The following SCAMP4 variants were observed in gnomAD, a reference collection of about 807,000 sequenced individuals.
SCAMP4 encodes the protein secretory carrier-associated membrane protein 4.
Under a neutral mutation model 32.1 loss-of-function variants are expected in SCAMP4, and 19 were observed. The ratio of observed to expected loss-of-function variants is 0.59; its 90% CI spans 0.41 to 0.87. The LOEUF (loss-of-function observed/expected upper bound fraction) is 0.87, where lower values mean the gene tolerates loss of function less well. Ranked by LOEUF, SCAMP4 falls within the 40% of genes least tolerant of loss-of-function variation. The pLI is 0.00. For synonymous variants in SCAMP4, 152 were observed against 132.7 expected (o/e 1.15, Z -1.00); for missense variants, 302 against 309.0 (o/e 0.98, Z 0.17).
intron 1 of SCAMP4, among the ~76,000 whole-genome samples, chr19:1,914,369 C>T (rs1230468053): frequency 6.6e-6 from 1 of 152,056 alleles, no homozygotes; most frequent in Non-Finnish European, 1.5e-5. Context: ...CCGTGCCCGC[C>T]CCCTCGGGCC....
chr19:1,923,586 T>A (rs2145462846), intron 6 of SCAMP4, among the ~76,000 whole-genome samples: 1 of 145,276 alleles, frequency 6.9e-6, no homozygotes, highest in African/African-American at 2.5e-5. Flanking sequence ...GCTGGGCTCA[T>A]AACAGAAACT....
In SCAMP4 at chr19:1,918,882, T is replaced by TC; in HGVS notation, c.294-3dup. Reference sequence around the variant, plus strand: ...TGGTAACCGTCGTGTTTTCTGTCCCTCCCCAGAGCCGACAGCTCCTTTAAT... The same window carrying TC: ...TGGTAACCGTCGTGTTTTCTGTCCCTCCCCCAGAGCCGACAGCTCCTTTAAT... On this transcript the variant is annotated splice_polypyrimidine_tract_variant and splice_region_variant and intron_variant, in intron 4 of 6. Transcript: ENST00000316097. The TC allele has an allele frequency of 6.3e-7, 1 of 1,598,534 alleles. No homozygotes were observed. The highest frequency in any genetic ancestry group is 8.5e-7 in the Non-Finnish European group (1 of 1,172,446).
At chr19:1,909,360 G>GC (rs1280699527) in intron 1 of SCAMP4, among the ~76,000 whole-genome samples, 3 of 152,204 alleles carry the variant, frequency 2.0e-5, no homozygotes, top group African/African-American at 7.2e-5. Flanking sequence ...CCCGCCTAGG[G>GC]CAGGCTCCCT....
At chr19:1,913,336 G>T in intron 1 of SCAMP4, 1 of 872,424 alleles carries the variant, frequency 1.1e-6, no homozygotes, top group Admixed American at 3.1e-5. Flanking sequence ...GGTCATTGGG[G>T]CCACCCCGTG....
chr19:1,913,031 G>A (rs374083050), intron 1 of SCAMP4: 30 of 1,604,020 alleles, frequency 1.9e-5, no homozygotes, highest in Non-Finnish European at 2.5e-5. Flanking sequence ...GTGCGCCCTC[G>A]CCCGACGGCG....
At position 1,924,223 on chromosome 19, in the gene SCAMP4, G is replaced by A. The variant is rs1461530470; in HGVS notation, c.629G>A (p.Gly210Asp). Residue 210 changes from glycine (G) to aspartate (D), a missense_variant, in exon 7 of 7, where the codon GGC (glycine) becomes GAC (aspartate). Gly to Asp is a moderately conservative substitution (Grantham distance 94). Transcript: ENST00000316097. ...GAGGCCCAGTACAACAACTTCTCAG[G>A]CAACAGCCTGCCCGAGTACCCCACT... is the stretch of plus-strand genomic sequence containing the variant. The part of the protein sequence containing the change: ...SREAQYNNFS[G>D]NSLPEYPTVP... The A allele has an allele frequency of 1.9e-6, 3 of 1,607,226 alleles. No individual in the cohort carries two copies. The highest frequency in any genetic ancestry group is 2.5e-6 in the Non-Finnish European group (3 of 1,176,990).
chr19:1,923,575 A>G (rs1599258537), intron 6 of SCAMP4, among the ~76,000 whole-genome samples: 1 of 140,444 alleles, frequency 7.1e-6, no homozygotes, highest in Non-Finnish European at 1.5e-5. Flanking sequence ...GGAAGTGTTG[A>G]GCTGGGCTCA....
At chr19:1,922,093 A>G (rs1010837477) in intron 5 of SCAMP4, 2 of 985,224 alleles carry the variant, frequency 2.0e-6, no homozygotes, top group Non-Finnish European at 2.4e-6. Flanking sequence ...TGAATTTTAA[A>G]CCCTGTGGTT....
intron 5 of SCAMP4, chr19:1,921,670 G>A: frequency 2.0e-6 from 2 of 985,314 alleles, no homozygotes; most frequent in Non-Finnish European, 2.4e-6. Context: ...TCCAAACAGA[G>A]GTTTACTTTT....
intron 1 of SCAMP4, chr19:1,907,022 C>G (rs2013160789): frequency 6.6e-6 from 1 of 151,766 alleles, no homozygotes; most frequent in Non-Finnish European, 1.5e-5. Context: ...CCCACCTCTA[C>G]TAAAAATATA....
At position 1,925,080 on chromosome 19, in the gene SCAMP4, C is replaced by T. The variant is rs2145467163; in HGVS notation, c.*796C>T. The stretch of plus-strand genomic sequence containing the variant: ...GCAGCCGGAGCCCTGCAGGAGAGGC[C>T]TTTGTGTTTTGTTTTGTTTTGTTTT... On this transcript the variant is annotated 3_prime_UTR_variant, in exon 7 of 7. Coordinates refer to ENST00000316097, the MANE Select transcript of SCAMP4 (RefSeq NM_079834.4). The T allele has an allele frequency of 6.8e-6, 1 of 147,886 alleles. No homozygotes were observed. The highest frequency in any genetic ancestry group is 6.8e-5 in the Admixed American group (1 of 14,744). 9.2% of individuals were successfully genotyped at this position (147,886 alleles called of 1,614,324 possible). A position where few individuals can be genotyped will look rare whatever the true frequency, so the allele number is the denominator to read the frequency against.
chr19:1,911,065 C>T (rs1005677709), intron 1 of SCAMP4, among the ~76,000 whole-genome samples: 12 of 151,738 alleles, frequency 7.9e-5, no homozygotes, highest in Admixed American at 4.6e-4. Context: ...TTAGTAGAGA[C>T]GGGGTTTCAC....
chr19:1,906,868 G>GTT (rs1478109091), intron 1 of SCAMP4: 2 of 135,118 alleles, frequency 1.5e-5, no homozygotes, highest in Non-Finnish European at 3.2e-5. Context: ...AAAAAAAATT[G>GTT]TGTGTGTGTG....
rs1309490656 is a variant in SCAMP4 at position 1,908,458 on chromosome 19, GA to G, written c.-42+3022del. ...GTAGCACCCACAGCTGCGCGGCTGCGAAATGATCCAGAGACACATCCCTGTC... is the reference window on the plus strand; with the variant it reads ...GTAGCACCCACAGCTGCGCGGCTGCGAATGATCCAGAGACACATCCCTGTC... On this transcript the variant is annotated intron_variant, in intron 1 of 6. Coordinates refer to ENST00000316097, the MANE Select transcript of SCAMP4 (RefSeq NM_079834.4). This position sits in a 1 kb window ranked among gnomAD's most constrained non-coding sequence, Gnocchi z 4.2. 3 of 470,386 alleles carry G rather than the reference GA, an allele frequency of 6.4e-6. No homozygotes were observed. Among genetic ancestry groups the G allele is most frequent in the African/African-American group, 6.0e-5 (3 of 50,048 alleles). The allele number at this position is 470,386 out of a possible 1,614,324, so 29.1% of individuals were successfully genotyped here.
In SCAMP4 at chr19:1,912,972, A is replaced by G. The variant is rs200773180; in HGVS notation, c.-41-2007A>G. 9 of 1,609,816 alleles carry G rather than the reference A, an allele frequency of 5.6e-6. No individual in the cohort carries two copies. The highest frequency in any genetic ancestry group is 4.5e-5 in the East Asian group (2 of 44,836). On this transcript the variant is annotated intron_variant, in intron 1 of 6. Transcript: ENST00000316097. ...GTACGTGACCCGCGAGCCCTGCGCC[A>G]TGTGCGCCATGGCCCTGGTGCACGC...
At chr19:1,922,996 A>AGGACCATGGGCC (rs918105599) in intron 5 of SCAMP4, 74 bp from the exon 6 acceptor site, 13 of 1,436,200 alleles carry the variant, frequency 9.1e-6, no homozygotes, top group Middle Eastern at 2.2e-4. Context: ...TTACATGGGG[A>AGGACCATGGGCC]GGACCATGGG....
Position 1,912,403 on chromosome 19 carries a change from C to T in SCAMP4, c.-41-2576C>T, listed in dbSNP as rs1430965718. 5.3e-6 allele frequency: 8 copies of T among 1,515,280 alleles called. No individual in the cohort carries two copies. Among genetic ancestry groups the T allele is most frequent in the East Asian group, 5.2e-5 (2 of 38,218 alleles). 93.9% of individuals were successfully genotyped at this position (1,515,280 alleles called of 1,614,324 possible). On this transcript the variant is annotated intron_variant, in intron 1 of 6. Coordinates refer to ENST00000316097, the MANE Select transcript of SCAMP4 (RefSeq NM_079834.4). ...TGCCTGGCTGGGCCGGCCTCGGGCC[C>T]GCGCTCGCTGGCTGAGCTCCTGCCA...
At chr19:1,922,967 G>T (rs962451257) in intron 5 of SCAMP4, 103 bp from the exon 6 acceptor site, 6 of 1,395,066 alleles carry the variant, frequency 4.3e-6, no homozygotes, top group Non-Finnish European at 5.6e-6. Flanking sequence ...TCCACTCCTT[G>T]TTGATTGGCC....
At chr19:1,916,535 T>C (rs2013739383) in intron 2 of SCAMP4, among the ~76,000 whole-genome samples, 1 of 152,188 alleles carries the variant, frequency 6.6e-6, no homozygotes, top group Non-Finnish European at 1.5e-5. Flanking sequence ...CATAGCTCAC[T>C]GCAGCTTTAA....
Sources: gnomAD v4.1 joint callset for allele counts (sites outside exome capture counted in the v4.1 genomes callset) on GRCh38, gnomAD v4.1.1 for gene constraint, Gnocchi (gnomAD v3.1) non-coding constraint, MANE v1.5 for transcripts, NCBI Gene and HGNC (gene_info 2026-07-23, HGNC 2026-07-21) for gene names.